The following TARS3 variants were observed in gnomAD, a reference collection of about 807,000 sequenced individuals.
The protein encoded by TARS3 is threonine--tRNA ligase 2, cytoplasmic.
TARS3 carries 94 observed loss-of-function variants against 103.5 expected under a neutral mutation model. That is an observed-to-expected ratio of 0.91 (90% CI 0.77 to 1.08). The LOEUF (loss-of-function observed/expected upper bound fraction) is 1.08, where lower values mean the gene tolerates loss of function less well. Ranked by LOEUF, TARS3 falls within the 50% of genes least tolerant of loss-of-function variation. The pLI, the probability that TARS3 is intolerant of heterozygous loss-of-function variation, is 0.00. For synonymous variants in TARS3, 416 were observed against 355.4 expected (o/e 1.17, Z -1.92); for missense variants, 952 against 995.2 (o/e 0.96, Z 0.58).
At chr15:101,657,472 T>C (rs182151327) in intron 17 of TARS3, among the ~76,000 whole-genome samples, 12 of 152,380 alleles carry the variant, frequency 7.9e-5, no homozygotes, top group African/African-American at 2.9e-4. Flanking sequence ...TCAATGTTTG[T>C]TGTTTAAAGC....
intron 16 of TARS3, among the ~76,000 whole-genome samples, chr15:101,660,974 G>T (rs1596281117): frequency 2.0e-5 from 3 of 152,314 alleles, no homozygotes; most frequent in Admixed American, 2.0e-4. Context: ...CCAAATCTAT[G>T]TAATTTGTTT....
intron 11 of TARS3, 150 bp from the exon 12 acceptor site, chr15:101,684,387 CA>C: frequency 1.4e-6 from 1 of 694,738 alleles, no homozygotes; most frequent in South Asian, 2.9e-5. Flanking sequence ...AATTCTTCCA[CA>C]AATTAGTGAA....
chr15:101,721,195 A>C lies in TARS3; in HGVS notation c.497T>G (p.Val166Gly). 1 of 1,612,426 alleles carries C rather than the reference A, an allele frequency of 6.2e-7. No individual in the cohort carries two copies. The highest frequency in any genetic ancestry group is 1.3e-5 in the African/African-American group (1 of 74,922). ...CCCTTGCACTGTTTGCCCATCAGCC[A>C]CTCTTACTGTGATGATGTTGCTTGT... ...GDTSNIITVR[V>G]ADGQTVQGEV... Residue 166 changes from valine to glycine, a missense_variant, in exon 3 of 19, where the codon GTG (valine) becomes GGG (glycine). Physicochemically the swap from Val to Gly is moderately radical, Grantham distance 109. This residue lies in a region of TARS3 where 412 missense variants were observed against 364.2 expected (regional missense o/e 1.13). Transcript: ENST00000335968.
chr15:101,692,896 G>A (rs1325536680), intron 10 of TARS3, among the ~76,000 whole-genome samples: 1 of 152,174 alleles, frequency 6.6e-6, no homozygotes, highest in East Asian at 1.9e-4. Flanking sequence ...ACAAAGACAA[G>A]CTTGGTCTAG....
chr15:101,661,292 G>A (rs1394722249), intron 16 of TARS3, among the ~76,000 whole-genome samples: 1 of 151,790 alleles, frequency 6.6e-6, no homozygotes, highest in African/African-American at 2.4e-5. Context: ...CTCAGTGGCT[G>A]TAGGGAACCC....
At chr15:101,676,697 G>C (rs558889043) in intron 12 of TARS3, among the ~76,000 whole-genome samples, 159 of 151,916 alleles carry the variant, frequency 1.0e-3, no homozygotes, top group African/African-American at 3.6e-3. Flanking sequence ...AGTAGAGAAG[G>C]GGTTTCGCCA....
intron 3 of TARS3, among the ~76,000 whole-genome samples, chr15:101,718,615 T>C (rs1215760646): frequency 1.3e-5 from 2 of 151,916 alleles, no homozygotes; most frequent in South Asian, 2.1e-4. Context: ...ATCCAGACAA[T>C]AGAGGCCAGT....
chr15:101,710,424 G>C (rs1314699276), intron 5 of TARS3, among the ~76,000 whole-genome samples: 1 of 152,212 alleles, frequency 6.6e-6, no homozygotes, highest in African/African-American at 2.4e-5. Flanking sequence ...CAAAAGTATG[G>C]AAGGCCCAGA....
intron 6 of TARS3, among the ~76,000 whole-genome samples, chr15:101,706,528 T>C (rs1227246133): frequency 2.0e-5 from 3 of 152,238 alleles, no homozygotes; most frequent in Non-Finnish European, 2.9e-5. Flanking sequence ...GACTAGTGGA[T>C]TCCATTATGT....
Position 101,654,941 on chromosome 15 carries a change from C to G in TARS3, c.2261-211G>C, listed in dbSNP as rs1897142370. Among the ~76,000 whole-genome samples the G allele has an allele frequency of 1.3e-5, 2 of 152,256 alleles. 1 individual carries two copies. Among genetic ancestry groups the G allele is most frequent in the South Asian group, 4.1e-4 (2 of 4,836 alleles). On this transcript the variant is annotated intron_variant, in intron 18 of 18. Transcript: ENST00000335968. ...CTCTATTGTCCACCTGAGAGAACAG[C>G]TCTTGTGGTCCTGGGGTGCAGATGA...
chr15:101,675,203 G>A (rs1040786985), intron 13 of TARS3, among the ~76,000 whole-genome samples: 1 of 152,120 alleles, frequency 6.6e-6, no homozygotes, highest in African/African-American at 2.4e-5. Context: ...CTACGAAGGG[G>A]ACTATGCACA....
chr15:101,689,529 T>C (rs1487635409), intron 10 of TARS3, among the ~76,000 whole-genome samples: 2 of 152,042 alleles, frequency 1.3e-5, no homozygotes, highest in East Asian at 1.9e-4. Context: ...AGGAGAAATC[T>C]GGACACAGAG....
chr15:101,661,169 A>AAGGACCACAAGATGCACCACTCAAAC (rs1897362556), intron 16 of TARS3, among the ~76,000 whole-genome samples: 2 of 152,076 alleles, frequency 1.3e-5, no homozygotes, highest in South Asian at 2.1e-4. Flanking sequence ...ACCACTCAAA[A>AAGGACCACAAGATGCACCACTCAAAC]TTCTGCACTT....
chr15:101,658,341 TA>T (rs1287562311), intron 16 of TARS3, among the ~76,000 whole-genome samples: 1 of 131,054 alleles, frequency 7.6e-6, no homozygotes, highest in Non-Finnish European at 1.6e-5. Flanking sequence ...AGGAACCAAC[TA>T]ATTTATCTCG....
chr15:101,675,673 G>C lies in TARS3; in HGVS notation c.1715C>G (p.Ser572Cys). The C allele has an allele frequency of 6.2e-7, 1 of 1,614,084 alleles. No homozygotes were observed. The highest frequency in any genetic ancestry group is 8.5e-7 in the Non-Finnish European group (1 of 1,180,002). Residue 572 changes from serine to cysteine, a missense_variant, in exon 13 of 19, where the codon TCC (serine) becomes TGC (cysteine). This residue lies in a region of TARS3 where 540 missense variants were observed against 631.0 expected (regional missense o/e 0.86). Coordinates refer to ENST00000335968, the MANE Select transcript of TARS3 (RefSeq NM_152334.3). ...CCTTGTTGACAGGTTTAATTGAAAG[G>C]AGAAGCCAAATGTTGAGTAAACAGA... ...LQSVYSTFGFSFQLNLSTRPE... is the reference protein window; with the variant it reads ...LQSVYSTFGFCFQLNLSTRPE...
At chr15:101,693,109 A>G (rs1339275521) in intron 10 of TARS3, among the ~76,000 whole-genome samples, 4 of 152,242 alleles carry the variant, frequency 2.6e-5, no homozygotes, top group African/African-American at 9.6e-5. Flanking sequence ...GCTGGTGGGA[A>G]TGCAAAACAG....
Position 101,708,902 on chromosome 15 carries a change from G to T in TARS3, c.821C>A (p.Ser274Tyr), listed in dbSNP as rs767105539. ...CTCCAGGGCTGACAATTCTGTGCTG[G>T]ACACTGCTCTAAAAAGAAGAGCAGA... Reference protein sequence around the residue: ...YDMFIEDRAVSSTELSALENI... With the variant: ...YDMFIEDRAVYSTELSALENI... Residue 274 changes from serine to tyrosine, a missense_variant, in exon 6 of 19, where the codon TCC (serine) becomes TAC (tyrosine). Ser to Tyr is a moderately radical substitution (Grantham distance 144). Coordinates refer to ENST00000335968, the MANE Select transcript of TARS3 (RefSeq NM_152334.3). 6.3e-7 allele frequency: 1 copy of T among 1,584,736 alleles called. No homozygotes were observed. Among genetic ancestry groups the T allele is most frequent in the Non-Finnish European group, 8.6e-7 (1 of 1,168,244 alleles).
chr15:101,693,079 A>G (rs1898800851), intron 10 of TARS3, among the ~76,000 whole-genome samples: 1 of 152,254 alleles, frequency 6.6e-6, no homozygotes, highest in Admixed American at 6.5e-5. Flanking sequence ...TGAGCTTTAC[A>G]AAAGCAACCC....
intron 12 of TARS3, among the ~76,000 whole-genome samples, chr15:101,682,316 G>T (rs1369871000): frequency 6.6e-6 from 1 of 152,124 alleles, no homozygotes; most frequent in Non-Finnish European, 1.5e-5. Flanking sequence ...TCCTAGTTTT[G>T]AGAGTTTTTA....
Sources: allele counts gnomAD v4.1 joint callset (sites outside exome capture counted in the v4.1 genomes callset), GRCh38; gene constraint gnomAD v4.1.1; regional missense constraint gnomAD v4.1.1; transcripts MANE v1.5; gene names NCBI Gene and HGNC (gene_info 2026-07-23, HGNC 2026-07-21).